Variants in LDHA observed in about 807,000 individuals in gnomAD.
LDHA encodes the protein lactate dehydrogenase A, also known as L-lactate dehydrogenase A chain.
Under a neutral mutation model 36.3 loss-of-function variants are expected in LDHA, and 10 were observed. That is an observed-to-expected ratio of 0.28 (90% CI 0.17 to 0.47). The LOEUF is 0.47. Among genes scored for constraint, LDHA ranks in the 20% least tolerant of loss-of-function variants. LDHA has a pLI of 0.99. For missense variants in LDHA, 267 were observed against 405.8 expected, an observed-to-expected ratio of 0.66 and a Z score of 2.94; for synonymous variants, 110 against 136.7, an observed-to-expected ratio of 0.80 and a Z score of 1.36.
At position 18,408,396 on chromosome 11, in the gene LDHA, A is replaced by C. The variant is rs1036588178; in HGVS notation, c.*1115A>C. On this transcript the variant is annotated 3_prime_UTR_variant, in exon 8 of 8. Transcript: ENST00000422447. Reference sequence around the variant, plus strand: ...GGATGTCTACTCAAGTTTTCTGCACATTTTTCTGAAAATACAACTGTGACC... The same window carrying C: ...GGATGTCTACTCAAGTTTTCTGCACCTTTTTCTGAAAATACAACTGTGACC... 1.2e-5 allele frequency: 4 copies of C among 347,436 alleles called. No individual in the cohort carries two copies. Among genetic ancestry groups the C allele is most frequent in the Middle Eastern group, 1.0e-3 (1 of 966 alleles). 21.5% of individuals were successfully genotyped at this position (347,436 alleles called of 1,614,324 possible).
At position 18,400,887 on chromosome 11, in the gene LDHA, C is replaced by T. The variant is rs763532603; in HGVS notation, c.295C>T (p.Arg99Cys). 6.2e-6 allele frequency: 10 copies of T among 1,613,290 alleles called. No individual in the cohort carries two copies. Among genetic ancestry groups the T allele is most frequent in the South Asian group, 2.2e-5 (2 of 91,048 alleles). ...SKLVIITAGA[R>C]QQEGESRLNL... Reference sequence around the variant, plus strand: ...GCTGGTCATTATCACGGCTGGGGCACGTCAGCAAGAGGGAGAAAGCCGTCT... The same window carrying T: ...GCTGGTCATTATCACGGCTGGGGCATGTCAGCAAGAGGGAGAAAGCCGTCT... Residue 99 changes from arginine (R) to cysteine (C), a missense_variant, in exon 4 of 8, where the codon CGT becomes TGT. Transcript: ENST00000422447.
At chr11:18,401,085 T>A in intron 4 of LDHA, 75 bp downstream of exon 4, 2 of 534,640 alleles carry the variant, frequency 3.7e-6, no homozygotes, top group South Asian at 1.0e-4. Context: ...ATTATATATA[T>A]TTTAAATATT....
rs202034923 is a variant in LDHA, at chr11:18,394,630, A to C, written c.-31A>C. On this transcript the variant is annotated 5_prime_UTR_variant, in exon 1 of 8. Transcript: ENST00000422447. ...CGCCCCCGACGACCGCCCGACGTGC[A>C]TTCCCGGTACGGTAGGGCCCTGCGC... is the stretch of plus-strand genomic sequence containing the variant. The C allele has an allele frequency of 2.2e-6, 1 of 454,026 alleles. No individual in the cohort carries two copies. Among genetic ancestry groups the C allele is most frequent in the Admixed American group, 2.3e-5 (1 of 42,576 alleles). 28.1% of individuals were successfully genotyped at this position (454,026 alleles called of 1,614,324 possible).
At chr11:18,397,667 C>T (rs558918137) in intron 2 of LDHA, among the ~76,000 whole-genome samples, 6 of 151,916 alleles carry the variant, frequency 3.9e-5, no homozygotes, top group South Asian at 2.1e-4. Flanking sequence ...AAAAATTAGC[C>T]GGGCGTGGTG....
intron 4 of LDHA, 23 bp from the exon 5 acceptor site, chr11:18,402,817 T>A: frequency 6.3e-7 from 1 of 1,597,050 alleles, no homozygotes; most frequent in Non-Finnish European, 8.6e-7. Flanking sequence ...AATGGGTGAT[T>A]TTTATTTTCT....
chr11:18,401,067 ATATATATAT>A (rs761363157), intron 4 of LDHA, 57 bp downstream of exon 4: 21 of 803,076 alleles, frequency 2.6e-5, no homozygotes, highest in Non-Finnish European at 3.3e-5. Flanking sequence ...ATAGTATATG[ATATATATAT>A]TATATATATT....
In LDHA at chr11:18,407,339, GT is replaced by G; in HGVS notation, c.*60del. 1 of 1,611,730 alleles carries G rather than the reference GT, an allele frequency of 6.2e-7. No homozygotes were observed. Among genetic ancestry groups the G allele is most frequent in the Non-Finnish European group, 8.5e-7 (1 of 1,179,598 alleles). On this transcript the variant is annotated 3_prime_UTR_variant, in exon 8 of 8. Transcript: ENST00000422447. ...GGCTACAACAGGATTCTAGGTGGAG[GT>G]TGTGCATGTTGTCCTTTTTATCTGA... is the stretch of plus-strand genomic sequence containing the variant.
chr11:18,400,273 TA>T (rs1460978832), intron 3 of LDHA: 3 of 207,516 alleles, frequency 1.4e-5, no homozygotes, highest in Admixed American at 5.3e-5. Context: ...AAATAGTGTC[TA>T]TTTTGATACC....
chr11:18,405,323 T>A lies in LDHA; in HGVS notation c.711-126T>A, dbSNP rs1866647206. On this transcript the variant is annotated intron_variant, in intron 6 of 7. Coordinates refer to ENST00000422447, the MANE Select transcript of LDHA (RefSeq NM_005566.4). ...TCCTAGCATACATGTGTGCAAGGGT[T>A]ATTCTTGGTATAATGCAACATTGTG... The A allele has an allele frequency of 3.2e-6, 3 of 950,400 alleles. No homozygotes were observed. The Admixed American group carries it at 5.3e-5, about 17-fold the overall frequency. 58.9% of individuals were successfully genotyped at this position (950,400 alleles called of 1,614,324 possible).
chr11:18,398,423 C>T (rs904657537), intron 2 of LDHA, among the ~76,000 whole-genome samples: 3 of 151,192 alleles, frequency 2.0e-5, no homozygotes, highest in Admixed American at 1.3e-4. Context: ...GACGGAATCT[C>T]GCTTTGTTGC....
chr11:18,406,960 C>T (rs555158602), intron 7 of LDHA, among the ~76,000 whole-genome samples, 157 bp from the exon 8 acceptor site: 11 of 151,032 alleles, frequency 7.3e-5, no homozygotes, highest in African/African-American at 2.4e-4. Context: ...GAGCTGAGAT[C>T]GTGCCACTGC....
At chr11:18,396,204 C>T (rs551364364) in intron 1 of LDHA, 5 of 255,382 alleles carry the variant, frequency 2.0e-5, no homozygotes, top group African/African-American at 1.1e-4. Context: ...TCGGCTTCGC[C>T]CTGCGCGCTG....
At chr11:18,401,309 A>G (rs1282739549) in intron 4 of LDHA, among the ~76,000 whole-genome samples, 2 of 149,664 alleles carry the variant, frequency 1.3e-5, no homozygotes, top group Non-Finnish European at 3.0e-5. Context: ...GCCACCACAC[A>G]TGGCTAATTT....
intron 7 of LDHA, 150 bp downstream of exon 7, chr11:18,405,722 G>A (rs970690263): frequency 5.9e-6 from 5 of 841,820 alleles, no homozygotes; most frequent in African/African-American, 1.7e-5. Context: ...TGAAAGAAAT[G>A]GTTGAGCTTT....
chr11:18,404,826 A>G (rs1420659206), intron 6 of LDHA, among the ~76,000 whole-genome samples: 1 of 151,940 alleles, frequency 6.6e-6, no homozygotes, highest in Non-Finnish European at 1.5e-5. Flanking sequence ...AAGAATCATA[A>G]TCTTTAGTTC....
In LDHA at chr11:18,407,089, GA is replaced by G. The variant is rs1259286138; in HGVS notation, c.835-27del. ...CTGGGAATGCATAGACAAAATGTGA[GA>G]TTTTTTTTTTTTCATTTCATCTTCA... On this transcript the variant is annotated intron_variant, in intron 7 of 7. Transcript: ENST00000422447. The G allele has an allele frequency of 5.4e-6, 7 of 1,291,622 alleles. No individual in the cohort carries two copies. The East Asian group carries it at 1.5e-4, about 28-fold the overall frequency. 80.0% of individuals were successfully genotyped at this position (1,291,622 alleles called of 1,614,324 possible).
intron 5 of LDHA, 85 bp from the exon 6 acceptor site, chr11:18,403,609 G>A (rs769397931): frequency 1.3e-5 from 12 of 915,178 alleles, no homozygotes; most frequent in Non-Finnish European, 2.0e-5. Flanking sequence ...TTCTTCCTCC[G>A]AAGATAAGAG....
At chr11:18,405,116 ATTTTT>A (rs1866638273) in intron 6 of LDHA, among the ~76,000 whole-genome samples, 1 of 152,130 alleles carries the variant, frequency 6.6e-6, no homozygotes, top group Admixed American at 6.6e-5. Context: ...TCAATATTAT[ATTTTT>A]AAGAATTATC....
chr11:18,407,599 T>G lies in LDHA; in HGVS notation c.*318T>G, dbSNP rs779816426. The stretch of plus-strand genomic sequence containing the variant: ...AGCCAGGTGGATGTTTACCGTGTGT[T>G]ATATAACTTCCTGGCTCCTTCACTG... On this transcript the variant is annotated 3_prime_UTR_variant, in exon 8 of 8. Coordinates refer to ENST00000422447, the MANE Select transcript of LDHA (RefSeq NM_005566.4). The G allele has an allele frequency of 6.0e-6, 4 of 665,724 alleles. No individual in the cohort carries two copies. The highest frequency in any genetic ancestry group is 1.8e-5 in the African/African-American group (1 of 56,542). 41.2% of individuals were successfully genotyped at this position (665,724 alleles called of 1,614,324 possible).
Sources: allele counts gnomAD v4.1 joint callset (sites outside exome capture counted in the v4.1 genomes callset), GRCh38; gene constraint gnomAD v4.1.1; transcripts MANE v1.5; gene names NCBI Gene and HGNC (gene_info 2026-07-23, HGNC 2026-07-21).